Variants in TACC2 observed in about 807,000 individuals in gnomAD.
TACC2 encodes transforming acidic coiled-coil-containing protein 2.
TACC2 carries 137 observed loss-of-function variants against 227.3 expected under a neutral mutation model. That is an observed-to-expected ratio of 0.60 (90% CI 0.52 to 0.69). The LOEUF (loss-of-function observed/expected upper bound fraction) is 0.69, where lower values mean the gene tolerates loss of function less well. Among genes scored for constraint, TACC2 ranks in the 30% least tolerant of loss-of-function variants. The pLI is 0.00. For synonymous variants in TACC2, 1,523 were observed against 1,487.5 expected (o/e 1.02, Z -0.55); for missense variants, 3,470 against 3,694.4 (o/e 0.94, Z 1.57).
At chr10:122,166,866 A>C (rs569172442) in intron 7 of TACC2, among the ~76,000 whole-genome samples, 1 of 152,322 alleles carries the variant, frequency 6.6e-6, no homozygotes, top group South Asian at 2.1e-4. Context: ...GAATTCTCCC[A>C]CAGAAAACAC....
At chr10:122,143,353 G>A (rs2090917078) in intron 6 of TACC2, among the ~76,000 whole-genome samples, 1 of 152,072 alleles carries the variant, frequency 6.6e-6, no homozygotes, top group Admixed American at 6.5e-5. Flanking sequence ...AAGGAGGGAG[G>A]AGCTTAAGGG....
chr10:122,195,212 T>G (rs376938543), intron 8 of TACC2, 36 bp downstream of exon 8: 28 of 1,559,934 alleles, frequency 1.8e-5, no homozygotes, highest in Non-Finnish European at 2.4e-5. Flanking sequence ...GACAGCCCTG[T>G]AGAGTTGTGA....
chr10:122,123,963 G>A (rs10887085), intron 5 of TACC2, among the ~76,000 whole-genome samples: 99,940 of 151,466 alleles, frequency 0.66, 37,054 homozygotes, highest in South Asian at 0.82. Context: ...ACAGGCACGC[G>A]CCACCATGCC....
chr10:122,215,963 C>A (rs1284075136), intron 10 of TACC2, among the ~76,000 whole-genome samples: 1 of 152,180 alleles, frequency 6.6e-6, no homozygotes, highest in Non-Finnish European at 1.5e-5. Flanking sequence ...ACCCTGTTTA[C>A]AGACCAAGGA....
At chr10:121,998,824 G>A (rs561271804) in intron 1 of TACC2, among the ~76,000 whole-genome samples, 1 of 152,248 alleles carries the variant, frequency 6.6e-6, no homozygotes, top group African/African-American at 2.4e-5. Flanking sequence ...GTGTCTCATT[G>A]TCTGGGGCTC....
chr10:122,231,985 A>G (rs1327449743), intron 16 of TACC2, among the ~76,000 whole-genome samples: 1 of 152,200 alleles, frequency 6.6e-6, no homozygotes, highest in Admixed American at 6.5e-5. Flanking sequence ...AGGGCCCCGC[A>G]GTGAGGTCTC....
At chr10:122,077,846 A>G (rs2078991304) in intron 3 of TACC2, among the ~76,000 whole-genome samples, 1 of 152,138 alleles carries the variant, frequency 6.6e-6, no homozygotes, top group Non-Finnish European at 1.5e-5. Context: ...CCTTGTGTGT[A>G]CAATGGGGCC....
intron 5 of TACC2, among the ~76,000 whole-genome samples, chr10:122,089,180 G>T (rs59026769): frequency 2.0e-5 from 3 of 152,114 alleles, no homozygotes; most frequent in African/African-American, 7.2e-5. Context: ...ATACAATTCA[G>T]TGGCTTGTAG....
rs1351875956 is a variant in TACC2, at chr10:122,059,065, TGTTG to T, written c.146+8516_146+8519del. On this transcript the variant is annotated intron_variant, in intron 3 of 22. Coordinates refer to ENST00000369005, the MANE Select transcript of TACC2 (RefSeq NM_206862.4). ...CTGCCACTACGCCTGGCTAATTTGT[TGTTG>T]TTGTTGTTGTTGTTGTTGTTGTATT... 6.1e-3 allele frequency among the ~76,000 whole-genome samples: 830 copies of T among 135,108 alleles called. 52 individuals carry two copies. Among genetic ancestry groups the T allele is most frequent in the Non-Finnish European group, 6.0e-3 (375 of 62,556 alleles). The allele number at this position is 135,108 out of a possible 152,430, so 88.6% of individuals were successfully genotyped here.
intron 5 of TACC2, among the ~76,000 whole-genome samples, chr10:122,104,681 A>AT (rs2082549728): frequency 6.6e-6 from 1 of 151,760 alleles, no homozygotes; most frequent in Non-Finnish European, 1.5e-5. Context: ...TTCATTTTTT[A>AT]TTTCGTTGTG....
chr10:122,086,866 C>T lies in TACC2; in HGVS notation c.4366C>T (p.Pro1456Ser), dbSNP rs1236740359. The T allele has an allele frequency of 3.1e-6, 5 of 1,613,988 alleles. No individual in the cohort carries two copies. Among genetic ancestry groups the T allele is most frequent in the African/African-American group, 1.3e-5 (1 of 75,064 alleles). ...CCCAGAGAAGCTTCTAGATGGGCCT[C>T]CAGGAGTGGATGTCACCCTTCTCCC... is the stretch of plus-strand genomic sequence containing the variant. ...LGPEKLLDGP[P>S]GVDVTLLPAP... Residue 1456 changes from proline (P) to serine (S), a missense_variant, in exon 4 of 23, where the codon CCA becomes TCA. By Grantham distance (74) the Pro-to-Ser change is moderately conservative. Coordinates refer to ENST00000369005, the MANE Select transcript of TACC2 (RefSeq NM_206862.4).
chr10:122,250,170 A>T (rs1589980506), intron 22 of TACC2, among the ~76,000 whole-genome samples: 1 of 152,076 alleles, frequency 6.6e-6, no homozygotes, highest in Non-Finnish European at 1.5e-5. Flanking sequence ...TGGATCTGGC[A>T]CCCCTCCATC....
At chr10:122,169,137 T>A (rs1022566543) in intron 7 of TACC2, among the ~76,000 whole-genome samples, 7 of 152,212 alleles carry the variant, frequency 4.6e-5, no homozygotes, top group Admixed American at 4.6e-4. Flanking sequence ...CTGTTTATAT[T>A]TACAAATTCA....
intron 6 of TACC2, among the ~76,000 whole-genome samples, chr10:122,142,908 T>C (rs1022187581): frequency 3.9e-5 from 6 of 152,370 alleles, no homozygotes; most frequent in Admixed American, 2.6e-4. Context: ...TCTTCTGCAC[T>C]GCAAGCCTGT....
intron 3 of TACC2, among the ~76,000 whole-genome samples, chr10:122,077,758 C>A (rs192908348): frequency 6.6e-6 from 1 of 152,204 alleles, no homozygotes; most frequent in African/African-American, 2.4e-5. Flanking sequence ...CGGGAGGCAG[C>A]GCCACAGGGC....
chr10:122,061,870 G>C (rs372638016), intron 3 of TACC2, among the ~76,000 whole-genome samples: 12 of 152,126 alleles, frequency 7.9e-5, no homozygotes, highest in African/African-American at 2.9e-4. Context: ...CTCCAGGGGA[G>C]GTTTCTTGGG....
At chr10:122,041,852 G>A (rs1013019386) in intron 2 of TACC2, among the ~76,000 whole-genome samples, 6 of 152,264 alleles carry the variant, frequency 3.9e-5, no homozygotes, top group South Asian at 2.1e-4. Flanking sequence ...GCACGATTAC[G>A]CAAGTGTGTG....
At chr10:122,057,323 G>A (rs1042142308) in intron 3 of TACC2, among the ~76,000 whole-genome samples, 2 of 152,212 alleles carry the variant, frequency 1.3e-5, no homozygotes, top group Admixed American at 1.3e-4. Flanking sequence ...GGCACTAGGG[G>A]ATGTTGTTGT....
intron 5 of TACC2, among the ~76,000 whole-genome samples, chr10:122,090,415 C>T (rs1006690478): frequency 1.4e-4 from 21 of 151,228 alleles, no homozygotes; most frequent in East Asian, 3.9e-4. Flanking sequence ...GGTGTGGTGG[C>T]GGGCGCCTGT....
Sources: allele counts gnomAD v4.1 joint callset (sites outside exome capture counted in the v4.1 genomes callset), GRCh38; gene constraint gnomAD v4.1.1; transcripts MANE v1.5; gene names NCBI Gene and HGNC (gene_info 2026-07-23, HGNC 2026-07-21).